TENM2: variants seen among roughly 807,000 people sequenced by gnomAD.
The protein encoded by TENM2 is teneurin-2.
TENM2 carries 52 observed loss-of-function variants against 245.2 expected under a neutral mutation model. The ratio of observed to expected loss-of-function variants is 0.21; its 90% confidence interval spans 0.17 to 0.27. TENM2 has a LOEUF of 0.27. Ranked by LOEUF, TENM2 falls within the 10% of genes least tolerant of loss-of-function variation. The pLI is 1.00. For missense variants in TENM2, 3,046 were observed against 3,666.8 expected, an observed-to-expected ratio of 0.83 and a Z score of 4.37; for synonymous variants, 1,363 against 1,438.9, an observed-to-expected ratio of 0.95 and a Z score of 1.19.
chr5:167,444,045 T>C (rs1225985704), intron 2 of TENM2, among the ~76,000 whole-genome samples: 2 of 152,132 alleles, frequency 1.3e-5, no homozygotes, highest in African/African-American at 4.8e-5. Context: ...AATTATATTT[T>C]ATATTTCCTT....
chr5:167,562,445 T>C (rs1773653841), intron 2 of TENM2, among the ~76,000 whole-genome samples: 1 of 152,014 alleles, frequency 6.6e-6, no homozygotes, highest in Non-Finnish European at 1.5e-5. Flanking sequence ...TCAGATAAGA[T>C]TTGCACAAAG....
intron 5 of TENM2, among the ~76,000 whole-genome samples, chr5:168,035,496 C>CAAAA (rs397949588): frequency 1.0e-4 from 7 of 69,248 alleles, no homozygotes; most frequent in Admixed American, 6.5e-4. Context: ...GACCCTGTCT[C>CAAAA]AAAAAAAAAA....
Position 168,227,873 on chromosome 5 carries a change from A to AC in TENM2, c.5285-17dup, listed in dbSNP as rs1026880078. The AC allele has an allele frequency of 6.0e-6, 9 of 1,495,984 alleles. No homozygotes were observed. The African/African-American group carries it at 1.1e-4, about 18-fold the overall frequency. 92.7% of individuals were successfully genotyped at this position (1,495,984 alleles called of 1,614,324 possible). On this transcript the variant is annotated intron_variant, in intron 24 of 28. Transcript: ENST00000518659. ...GCGGATAATTTATTTCCCTATCCCC[A>AC]CCCCCACTTACATTTTTCCAGATCA...
At chr5:167,806,801 GA>G (rs1260250652) in intron 2 of TENM2, among the ~76,000 whole-genome samples, 1 of 151,978 alleles carries the variant, frequency 6.6e-6, no homozygotes, top group Non-Finnish European at 1.5e-5. Flanking sequence ...GTCAATAGAA[GA>G]TACTCATGGA....
chr5:167,277,852 A>G, the TENM2 span, among the ~76,000 whole-genome samples: 2 of 152,118 alleles, frequency 1.3e-5, no homozygotes, highest in African/African-American at 4.8e-5. Flanking sequence ...TTACCCTTTT[A>G]TAATGCTCCT....
chr5:167,849,340 T>A (rs969754081), intron 2 of TENM2, among the ~76,000 whole-genome samples: 3 of 152,074 alleles, frequency 2.0e-5, no homozygotes, highest in African/African-American at 2.4e-5. Context: ...GGAAAAAAAA[T>A]TGTTTTTCCC....
At chr5:167,016,821 T>G in the TENM2 span, among the ~76,000 whole-genome samples, 51 of 152,322 alleles carry the variant, frequency 3.3e-4, no homozygotes, top group African/African-American at 1.2e-3. Flanking sequence ...CTGCCAAGGT[T>G]GAATGGAGCA....
chr5:167,076,402 CT>C, the TENM2 span, among the ~76,000 whole-genome samples: 1 of 151,986 alleles, frequency 6.6e-6, no homozygotes, highest in Non-Finnish European at 1.5e-5. Context: ...TAAAGATTGC[CT>C]TTGATAAGAG....
intron 1 of TENM2, among the ~76,000 whole-genome samples, chr5:167,290,698 A>G (rs529506210): frequency 1.3e-5 from 2 of 152,228 alleles, no homozygotes; most frequent in East Asian, 3.9e-4. Flanking sequence ...GGAATGAAAG[A>G]TACTATCTAA....
rs3082486 is a variant in TENM2 at position 167,837,067 on chromosome 5, TACACAC to T, written c.503-38893_503-38888del. Among the ~76,000 whole-genome samples the T allele has an allele frequency of 2.9e-3, 429 of 148,728 alleles. 2 individuals carry two copies. Among genetic ancestry groups the T allele is most frequent in the South Asian group, 4.7e-3 (22 of 4,672 alleles). On this transcript the variant is annotated intron_variant, in intron 2 of 28. Transcript: ENST00000518659. ...TTTATAGTATATATGTATGCCTAAG[TACACAC>T]ACACACACACACACACACACACACA...
the TENM2 span, among the ~76,000 whole-genome samples, chr5:167,155,595 G>T: frequency 6.6e-6 from 1 of 152,172 alleles, no homozygotes; most frequent in Non-Finnish European, 1.5e-5. Flanking sequence ...GCGATATTGG[G>T]CTTCACTCGT....
chr5:167,369,152 A>G (rs1760251280), intron 1 of TENM2, among the ~76,000 whole-genome samples: 1 of 152,034 alleles, frequency 6.6e-6, no homozygotes. Flanking sequence ...GCAAAAATAA[A>G]CCCCAGGGAA....
chr5:167,235,407 G>A, the TENM2 span, among the ~76,000 whole-genome samples: 3 of 152,038 alleles, frequency 2.0e-5, no homozygotes, highest in African/African-American at 7.3e-5. Context: ...GTTCTCACAT[G>A]CGCAGCTCAA....
chr5:167,268,559 T>C, the TENM2 span, among the ~76,000 whole-genome samples: 3 of 152,346 alleles, frequency 2.0e-5, no homozygotes, highest in South Asian at 6.2e-4. Flanking sequence ...ATGTTTGATG[T>C]GAAGCTATTT....
chr5:167,322,141 G>A (rs994929898), intron 1 of TENM2, among the ~76,000 whole-genome samples: 1 of 151,704 alleles, frequency 6.6e-6, no homozygotes, highest in African/African-American at 2.4e-5. Context: ...TGCTGCATTG[G>A]CTTTTATGTC....
chr5:168,223,405 T>C (rs185198020), intron 23 of TENM2, among the ~76,000 whole-genome samples: 2 of 152,302 alleles, frequency 1.3e-5, no homozygotes, highest in East Asian at 3.9e-4. Context: ...TGCTTTGTTT[T>C]CTGATGTTTT....
At chr5:167,177,473 T>C in the TENM2 span, among the ~76,000 whole-genome samples, 5 of 152,216 alleles carry the variant, frequency 3.3e-5, no homozygotes, top group Admixed American at 3.3e-4. Context: ...TGCAGACCCA[T>C]CCTTATTTAC....
At chr5:168,179,089 C>T (rs921089519) in intron 13 of TENM2, among the ~76,000 whole-genome samples, 7 of 139,302 alleles carry the variant, frequency 5.0e-5, no homozygotes, top group South Asian at 2.2e-4. Context: ...GAGTCGAGAT[C>T]GAGCCACTGC....
chr5:167,369,628 G>A (rs1478995287), intron 1 of TENM2, among the ~76,000 whole-genome samples: 1 of 151,720 alleles, frequency 6.6e-6, no homozygotes, highest in Admixed American at 6.6e-5. Flanking sequence ...GGCAGGGATG[G>A]GTAGGGATTA....
Sources: allele counts gnomAD v4.1 joint callset (sites outside exome capture counted in the v4.1 genomes callset), GRCh38; gene constraint gnomAD v4.1.1; transcripts MANE v1.5; gene names NCBI Gene and HGNC (gene_info 2026-07-23, HGNC 2026-07-21).